Variants in MACC1 observed in about 807,000 individuals in gnomAD.
MACC1 encodes the protein MET transcriptional regulator MACC1.
In MACC1, 79 loss-of-function variants were observed where a neutral mutation model predicts 70.7. That is an observed-to-expected ratio of 1.12 (90% CI 0.93 to 1.35). The LOEUF is 1.35. MACC1 is among the 40% of genes most tolerant of loss of function. The pLI, the probability that MACC1 is intolerant of heterozygous loss-of-function variation, is 0.00. For synonymous variants in MACC1, 361 were observed against 347.2 expected (o/e 1.04, Z -0.44); for missense variants, 1,106 against 978.1 (o/e 1.13, Z -1.74).
chr7:20,214,738 T>G (rs1783044427), intron 1 of MACC1, among the ~76,000 whole-genome samples: 1 of 152,178 alleles, frequency 6.6e-6, no homozygotes, highest in African/African-American at 2.4e-5. Context: ...CAAAACTTAT[T>G]TCTGAAGAAT....
intron 1 of MACC1, among the ~76,000 whole-genome samples, chr7:20,193,266 T>TATA (rs1368781695): frequency 6.6e-6 from 1 of 152,174 alleles, no homozygotes; most frequent in African/African-American, 2.4e-5. Flanking sequence ...TTAAATAAAT[T>TATA]ATAAGCTATC....
intron 1 of MACC1, among the ~76,000 whole-genome samples, chr7:20,200,116 TAAA>T (rs1436345437): frequency 2.0e-5 from 3 of 151,948 alleles, no homozygotes; most frequent in African/African-American, 4.8e-5. Context: ...AAATTCATAA[TAAA>T]ATATTTATTC....
intron 1 of MACC1, among the ~76,000 whole-genome samples, chr7:20,210,650 T>C (rs894020152): frequency 1.3e-5 from 2 of 152,218 alleles, no homozygotes; most frequent in East Asian, 3.8e-4. Context: ...CTTTTTCTTT[T>C]CATATTTTGC....
In MACC1 at chr7:20,138,179, A is replaced by AAAAAAAAAAAC. The variant is rs1562576802; in HGVS notation, c.*2766_*2767insGTTTTTTTTTT. 1 of 139,362 alleles carries AAAAAAAAAAAC rather than the reference A, an allele frequency of 7.2e-6. No individual in the cohort carries two copies. Among genetic ancestry groups the AAAAAAAAAAAC allele is most frequent in the African/African-American group, 2.8e-5 (1 of 36,200 alleles). 8.6% of individuals were successfully genotyped at this position (139,362 alleles called of 1,614,324 possible). On this transcript the variant is annotated 3_prime_UTR_variant, in exon 7 of 7. Transcript: ENST00000400331. ...AAAAAAAAAAAAAAAAAAAAAAAAA[A>AAAAAAAAAAAC]AAATTTCCCCTGGAAGGATTTGTTA...
At chr7:20,205,038 A>T (rs181161012) in intron 1 of MACC1, among the ~76,000 whole-genome samples, 1 of 152,186 alleles carries the variant, frequency 6.6e-6, no homozygotes, top group African/African-American at 2.4e-5. Context: ...GTAAATTTTT[A>T]AAAGTTTGAT....
At position 20,158,919 on chromosome 7, in the gene MACC1, T is replaced by C. The variant is rs1583387867; in HGVS notation, c.1442A>G (p.His481Arg). 3.1e-6 allele frequency: 5 copies of C among 1,614,006 alleles called. No individual in the cohort carries two copies. In the African/African-American group the frequency reaches 5.3e-5, roughly 17 times the overall value. Residue 481 changes from histidine (H) to arginine (R), a missense_variant, in exon 5 of 7, where the codon CAC becomes CGC. Coordinates refer to ENST00000400331, the MANE Select transcript of MACC1 (RefSeq NM_182762.4). ...CACTTGAACACAAAAATCAAACAAG[T>C]GCATCTCTCTGTGCTCAACTAAAGA... is the stretch of plus-strand genomic sequence containing the variant. ...LFSLVEHREMHLFDFCVQVEP... is the reference protein window; with the variant it reads ...LFSLVEHREMRLFDFCVQVEP...
intron 6 of MACC1, chr7:20,153,557 T>C (rs1172156701): frequency 6.6e-6 from 1 of 152,196 alleles, no homozygotes; most frequent in Non-Finnish European, 1.5e-5. Context: ...GAGAAAAATA[T>C]GTGTTTAACT....
At chr7:20,198,321 C>G (rs1193056127) in intron 1 of MACC1, among the ~76,000 whole-genome samples, 1 of 152,198 alleles carries the variant, frequency 6.6e-6, no homozygotes, top group East Asian at 1.9e-4. Context: ...AGGGGCTTTT[C>G]TGAACCAGAA....
Position 20,140,822 on chromosome 7 carries a change from CACAG to C in MACC1, c.*120_*123del, listed in dbSNP as rs750894289. The C allele has an allele frequency of 3.4e-6, 2 of 581,446 alleles. No homozygotes were observed. The highest frequency in any genetic ancestry group is 5.6e-6 in the Non-Finnish European group (2 of 357,452). 36.0% of individuals were successfully genotyped at this position (581,446 alleles called of 1,614,324 possible). A position where few individuals can be genotyped will look rare whatever the true frequency, so the allele number is the denominator to read the frequency against. ...TTTCCTACACACACACACACACACA[CACAG>C]ACACACACACACAGACACACACACA... On this transcript the variant is annotated 3_prime_UTR_variant, in exon 7 of 7. Coordinates refer to ENST00000400331, the MANE Select transcript of MACC1 (RefSeq NM_182762.4).
rs1583374922 is a variant in MACC1, at chr7:20,139,547, C to T, written c.*1399G>A. 6.6e-6 allele frequency: 1 copy of T among 152,166 alleles called. No individual in the cohort carries two copies. Among genetic ancestry groups the T allele is most frequent in the South Asian group, 2.1e-4 (1 of 4,830 alleles). The allele number at this position is 152,166 out of a possible 1,614,324, so 9.4% of individuals were successfully genotyped here. A position where few individuals can be genotyped will look rare whatever the true frequency, so the allele number is the denominator to read the frequency against. ...ATCTATTACTTAGCACTACTAAAGT[C>T]AGAGTTCATGCTGGTTTTTTCCCAT... On this transcript the variant is annotated 3_prime_UTR_variant, in exon 7 of 7. Transcript: ENST00000400331.
In MACC1 at chr7:20,183,064, C is replaced by A. The variant is rs1782534075; in HGVS notation, c.-217-12286G>T. On this transcript the variant is annotated intron_variant, in intron 1 of 6. Coordinates refer to ENST00000400331, the MANE Select transcript of MACC1 (RefSeq NM_182762.4). Reference sequence around the variant, plus strand: ...CCCCTCCTGTGAATGTGGGTTGAATCTGCTATTATGATAAGATGCCTCATC... The same window carrying A: ...CCCCTCCTGTGAATGTGGGTTGAATATGCTATTATGATAAGATGCCTCATC... Among the ~76,000 whole-genome samples, 5 of 152,318 alleles carry A rather than the reference C, an allele frequency of 3.3e-5. No individual in the cohort carries two copies. In the South Asian group the frequency reaches 1.0e-3, roughly 32 times the overall value.
intron 1 of MACC1, among the ~76,000 whole-genome samples, chr7:20,178,031 A>G (rs1782423514): frequency 1.3e-5 from 2 of 152,090 alleles, no homozygotes; most frequent in Admixed American, 1.3e-4. Context: ...TATTAGATGA[A>G]TAAAATGTTC....
intron 2 of MACC1, among the ~76,000 whole-genome samples, chr7:20,168,589 AT>A (rs1782255990): frequency 6.6e-6 from 1 of 151,898 alleles, no homozygotes; most frequent in African/African-American, 2.4e-5. Flanking sequence ...CTTTTACAGT[AT>A]GTTCAACAGT....
Position 20,136,827 on chromosome 7 carries a change from T to G in MACC1, c.*4119A>C, listed in dbSNP as rs1225129905. 2 of 150,134 alleles carry G rather than the reference T, an allele frequency of 1.3e-5. No individual in the cohort carries two copies. The highest frequency in any genetic ancestry group is 3.0e-5 in the Non-Finnish European group (2 of 67,612). The allele number at this position is 150,134 out of a possible 1,614,324, so 9.3% of individuals were successfully genotyped here. On this transcript the variant is annotated 3_prime_UTR_variant, in exon 7 of 7. Coordinates refer to ENST00000400331, the MANE Select transcript of MACC1 (RefSeq NM_182762.4). ...AGGATTATTATTAATTCTTAAAGAT[T>G]AAGATTATTATTAATTATTAATTGT...
At chr7:20,165,149 G>T (rs904119684) in intron 2 of MACC1, among the ~76,000 whole-genome samples, 1 of 152,110 alleles carries the variant, frequency 6.6e-6, no homozygotes, top group Non-Finnish European at 1.5e-5. Flanking sequence ...ACTCAAGCAG[G>T]TCTTCACTGT....
intron 1 of MACC1, among the ~76,000 whole-genome samples, chr7:20,194,634 A>G (rs1297965495): frequency 6.6e-6 from 1 of 152,236 alleles, no homozygotes; most frequent in African/African-American, 2.4e-5. Context: ...GGAATTTTAC[A>G]TTCATGCAAA....
chr7:20,193,501 A>T (rs1782702199), intron 1 of MACC1, among the ~76,000 whole-genome samples: 3 of 152,210 alleles, frequency 2.0e-5, no homozygotes, highest in African/African-American at 7.2e-5. Context: ...CTTTGCTCTT[A>T]GTGTTTGTTT....
intron 1 of MACC1, among the ~76,000 whole-genome samples, chr7:20,182,554 C>G (rs1782526385): frequency 6.6e-6 from 1 of 152,150 alleles, no homozygotes; most frequent in African/African-American, 2.4e-5. Flanking sequence ...CTTGCCTATT[C>G]TGAAGGGTTG....
At chr7:20,157,785 A>AAAAG (rs1554288420) in intron 5 of MACC1, among the ~76,000 whole-genome samples, 38 of 149,864 alleles carry the variant, frequency 2.5e-4, no homozygotes, top group African/African-American at 7.7e-4. Context: ...AAAAAAAAAA[A>AAAAG]AAAGAAAGAA....
Sources: allele counts gnomAD v4.1 joint callset (sites outside exome capture counted in the v4.1 genomes callset), GRCh38; gene constraint gnomAD v4.1.1; transcripts MANE v1.5; gene names NCBI Gene and HGNC (gene_info 2026-07-23, HGNC 2026-07-21).